Variants in EPHA4 observed in about 807,000 individuals in gnomAD.
EPHA4 encodes the protein ephrin type-A receptor 4.
Under a neutral mutation model 108.3 loss-of-function variants are expected in EPHA4, and 19 were observed. The ratio of observed to expected loss-of-function variants is 0.18; its 90% confidence interval spans 0.12 to 0.26. The LOEUF is 0.26. Among genes scored for constraint, EPHA4 ranks in the 10% least tolerant of loss-of-function variants. The pLI, the probability that EPHA4 is intolerant of heterozygous loss-of-function variation, is 1.00. For synonymous variants in EPHA4, 449 were observed against 455.5 expected, an observed-to-expected ratio of 0.99 and a Z score of 0.18; for missense variants, 917 against 1,254.0, an observed-to-expected ratio of 0.73 and a Z score of 4.06.
At chr2:221,534,982 C>T (rs765608068) in intron 3 of EPHA4, among the ~76,000 whole-genome samples, 2 of 152,206 alleles carry the variant, frequency 1.3e-5, no homozygotes, top group South Asian at 2.1e-4. Flanking sequence ...TTAACTTCAT[C>T]GGCAATTCGG....
At chr2:221,516,698 A>C (rs1346320902) in intron 3 of EPHA4, among the ~76,000 whole-genome samples, 4 of 152,148 alleles carry the variant, frequency 2.6e-5, no homozygotes, top group Non-Finnish European at 5.9e-5. Context: ...GATAAACCCC[A>C]AAGTCACTTA....
intron 3 of EPHA4, among the ~76,000 whole-genome samples, chr2:221,556,959 C>T (rs1694324841): frequency 6.6e-6 from 1 of 152,108 alleles, no homozygotes; most frequent in Non-Finnish European, 1.5e-5. Flanking sequence ...GGTCTTGGAA[C>T]ATATCGTCCA....
rs1691041121 is a variant in EPHA4 at position 221,458,720 on chromosome 2, C to A, written c.1319-730G>T. Among the ~76,000 whole-genome samples, 6 of 152,142 alleles carry A rather than the reference C, an allele frequency of 3.9e-5. 1 individual carries two copies. In the South Asian group the frequency reaches 1.2e-3, roughly 32 times the overall value. ...GTTATGGGGGTGGAAGGAGGGCACA[C>A]TTTAGATTTATACACCCAGGCTGCC... On this transcript the variant is annotated intron_variant, in intron 5 of 17. Coordinates refer to ENST00000281821, the MANE Select transcript of EPHA4 (RefSeq NM_004438.5).
Position 221,457,996 on chromosome 2 carries a change from A to AG in EPHA4, c.1319-7dup. ...CAAAGCAATGGATGATGGTGCTGTT[A>AG]GAAAAAAACAAAAGACAAAAGATAT... is the stretch of plus-strand genomic sequence containing the variant. On this transcript the variant is annotated splice_polypyrimidine_tract_variant and splice_region_variant and intron_variant, in intron 5 of 17. Transcript: ENST00000281821. 2 of 1,604,522 alleles carry AG rather than the reference A, an allele frequency of 1.2e-6. No individual in the cohort carries two copies. Among genetic ancestry groups the AG allele is most frequent in the Non-Finnish European group, 1.7e-6 (2 of 1,177,076 alleles).
At chr2:221,535,420 C>T (rs1386168795) in intron 3 of EPHA4, among the ~76,000 whole-genome samples, 1 of 152,310 alleles carries the variant, frequency 6.6e-6, no homozygotes, top group East Asian at 1.9e-4. Context: ...TTATCTTATG[C>T]CATTCTTACA....
chr2:221,562,513 G>A (rs1391160383), intron 3 of EPHA4, among the ~76,000 whole-genome samples: 6 of 152,172 alleles, frequency 3.9e-5, no homozygotes, highest in Admixed American at 6.5e-5. Context: ...AAATTGTTTG[G>A]CAGTCAGTTA....
intron 3 of EPHA4, among the ~76,000 whole-genome samples, chr2:221,553,773 A>G (rs182354842): frequency 4.1e-4 from 63 of 152,274 alleles, no homozygotes; most frequent in African/African-American, 1.4e-3. Flanking sequence ...AAAAAATCCA[A>G]TTTGCTTTGA....
intron 4 of EPHA4, among the ~76,000 whole-genome samples, chr2:221,486,084 T>A (rs1288467158): frequency 6.6e-6 from 1 of 152,194 alleles, no homozygotes; most frequent in Non-Finnish European, 1.5e-5. Context: ...TCATCAGAAA[T>A]ATGTCCACCT....
intron 5 of EPHA4, among the ~76,000 whole-genome samples, chr2:221,481,271 C>A (rs1691808319): frequency 6.6e-6 from 1 of 152,132 alleles, no homozygotes; most frequent in African/African-American, 2.4e-5. Flanking sequence ...GTTTTCTAGT[C>A]ATCTGTATTA....
At chr2:221,499,214 AATAAT>A (rs1692398090) in intron 4 of EPHA4, among the ~76,000 whole-genome samples, 1 of 147,692 alleles carries the variant, frequency 6.8e-6, no homozygotes, top group Non-Finnish European at 1.5e-5. Flanking sequence ...ATAAAATAGA[AATAAT>A]ATAAAATATA....
At position 221,425,920 on chromosome 2, in the gene EPHA4, C is replaced by A. The variant is rs1399898100; in HGVS notation, c.*108G>T. Reference sequence around the variant, plus strand: ...CAGATATTGTTTTTTTTTTTCATTTCTTTAATTTCAGAGGGCGAAGACGAA... The same window carrying A: ...CAGATATTGTTTTTTTTTTTCATTTATTTAATTTCAGAGGGCGAAGACGAA... On this transcript the variant is annotated 3_prime_UTR_variant, in exon 17 of 18. Transcript: ENST00000281821. 7 of 842,372 alleles carry A rather than the reference C, an allele frequency of 8.3e-6. No homozygotes were observed. The highest frequency in any genetic ancestry group is 1.3e-5 in the Non-Finnish European group (7 of 529,388). The allele number at this position is 842,372 out of a possible 1,614,324, so 52.2% of individuals were successfully genotyped here.
chr2:221,482,058 C>T (rs773096419), intron 5 of EPHA4, among the ~76,000 whole-genome samples: 2 of 152,262 alleles, frequency 1.3e-5, no homozygotes, highest in East Asian at 1.9e-4. Context: ...GTTTGTACCA[C>T]CATGCCTAGC....
intron 5 of EPHA4, among the ~76,000 whole-genome samples, chr2:221,473,671 C>G (rs554773571): frequency 6.6e-6 from 1 of 151,950 alleles, no homozygotes; most frequent in African/African-American, 2.4e-5. Context: ...TTCTGGAGAC[C>G]CATCTGGCTC....
intron 17 of EPHA4, among the ~76,000 whole-genome samples, chr2:221,421,769 AAGGGCAGTAATTAAGAC>A (rs1689768881): frequency 6.6e-6 from 1 of 152,212 alleles, no homozygotes; most frequent in Non-Finnish European, 1.5e-5. Context: ...GCCTCAAGCA[AAGGGCAGTAATTAAGAC>A]CAAAATGCAC....
chr2:221,439,125 C>CT (rs1160166711), intron 11 of EPHA4, among the ~76,000 whole-genome samples: 1 of 152,022 alleles, frequency 6.6e-6, no homozygotes, highest in Non-Finnish European at 1.5e-5. Context: ...AAAATGGTAC[C>CT]ATGGACATTT....
intron 15 of EPHA4, among the ~76,000 whole-genome samples, chr2:221,429,721 A>T (rs1242752629): frequency 6.6e-6 from 1 of 151,938 alleles, no homozygotes; most frequent in Non-Finnish European, 1.5e-5. Context: ...CTTTCCTACT[A>T]TTATTATTTT....
chr2:221,447,821 T>TTTTATTTATTTATTTATTTATTTATTTA lies in EPHA4; in HGVS notation c.1716-1641_1716-1640insTAAATAAATAAATAAATAAATAAATAAA, dbSNP rs56796398. 2.8e-4 allele frequency among the ~76,000 whole-genome samples: 42 copies of TTTTATTTATTTATTTATTTATTTATTTA among 147,664 alleles called. 1 individual carries two copies. The highest frequency in any genetic ancestry group is 8.8e-4 in the African/African-American group (35 of 39,932). Reference sequence around the variant, plus strand: ...GCATTTAACTTTTCAAAGGGTCTATTTTTATTTATTTATTTATTTATTTAA... The same window carrying TTTTATTTATTTATTTATTTATTTATTTA: ...GCATTTAACTTTTCAAAGGGTCTATTTTTATTTATTTATTTATTTATTTATTTATTTATTTATTTATTTATTTATTTAA... On this transcript the variant is annotated intron_variant, in intron 8 of 17. Coordinates refer to ENST00000281821, the MANE Select transcript of EPHA4 (RefSeq NM_004438.5).
At chr2:221,439,126 A>G (rs1414528037) in intron 11 of EPHA4, among the ~76,000 whole-genome samples, 1 of 152,190 alleles carries the variant, frequency 6.6e-6, no homozygotes, top group Non-Finnish European at 1.5e-5. Context: ...AAATGGTACC[A>G]TGGACATTTT....
chr2:221,543,820 C>T (rs1170290334), intron 3 of EPHA4, among the ~76,000 whole-genome samples: 1 of 152,152 alleles, frequency 6.6e-6, no homozygotes, highest in East Asian at 1.9e-4. Context: ...AAGTCCTGGT[C>T]ACGGGGGTGG....
Sources: allele counts gnomAD v4.1 joint callset (sites outside exome capture counted in the v4.1 genomes callset), GRCh38; gene constraint gnomAD v4.1.1; transcripts MANE v1.5; gene names NCBI Gene and HGNC (gene_info 2026-07-23, HGNC 2026-07-21).